The following STPG2 variants were observed in gnomAD, a reference collection of about 807,000 sequenced individuals.
The protein encoded by STPG2 is sperm tail PG-rich repeat containing 2, also known as sperm-tail PG-rich repeat-containing protein 2.
Under a neutral mutation model 54.2 loss-of-function variants are expected in STPG2, and 56 were observed. That is an observed-to-expected ratio of 1.03 (90% CI 0.83 to 1.29). STPG2 has a LOEUF of 1.29. Among genes scored for constraint, STPG2 ranks in the 50% most tolerant of loss-of-function variants. The probability of loss-of-function intolerance (pLI) is 0.00; values close to 1 mark genes in which losing one functional copy is unlikely to be tolerated. For synonymous variants in STPG2, 200 were observed against 181.8 expected, an observed-to-expected ratio of 1.10 and a Z score of -0.81; for missense variants, 596 against 544.9, an observed-to-expected ratio of 1.09 and a Z score of -0.93.
At chr4:97,969,116 T>G (rs1734225603) in intron 7 of STPG2, among the ~76,000 whole-genome samples, 1 of 152,146 alleles carries the variant, frequency 6.6e-6, no homozygotes, top group African/African-American at 2.4e-5. Flanking sequence ...TAAGACATAC[T>G]CCCTTCTGAG....
chr4:97,562,430 T>A (rs1243996097), intron 10 of STPG2, among the ~76,000 whole-genome samples: 1 of 152,214 alleles, frequency 6.6e-6, no homozygotes, highest in Non-Finnish European at 1.5e-5. Flanking sequence ...GAATACCCTT[T>A]ATTTCCTTCT....
chr4:97,926,278 C>T (rs1732327590), intron 8 of STPG2, among the ~76,000 whole-genome samples: 1 of 152,160 alleles, frequency 6.6e-6, no homozygotes, highest in African/African-American at 2.4e-5. Context: ...AAACTCCAGT[C>T]TTACCAGGGT....
chr4:98,025,403 G>T (rs903263721), intron 5 of STPG2: 23 of 377,272 alleles, frequency 6.1e-5, no homozygotes, highest in Non-Finnish European at 2.1e-5. Context: ...TGTTAAAGTT[G>T]TTAAGAATAA....
At chr4:97,924,983 T>C (rs1298985911) in intron 8 of STPG2, among the ~76,000 whole-genome samples, 1 of 152,222 alleles carries the variant, frequency 6.6e-6, no homozygotes, top group East Asian at 1.9e-4. Flanking sequence ...GAATCATTTG[T>C]TGTTGTTCAT....
At chr4:97,834,852 A>G (rs1337295211) in intron 9 of STPG2, among the ~76,000 whole-genome samples, 2 of 151,948 alleles carry the variant, frequency 1.3e-5, no homozygotes, top group Non-Finnish European at 2.9e-5. Flanking sequence ...GCTCCTCTCT[A>G]CCCTGAATGC....
intron 7 of STPG2, among the ~76,000 whole-genome samples, chr4:97,946,844 C>A (rs1560604208): frequency 2.0e-5 from 3 of 151,932 alleles, no homozygotes; most frequent in African/African-American, 7.2e-5. Flanking sequence ...CAGATTTGTT[C>A]TTTTAGCTTT....
chr4:97,743,163 C>G (rs1725319935), intron 9 of STPG2, among the ~76,000 whole-genome samples: 1 of 151,722 alleles, frequency 6.6e-6, no homozygotes, highest in East Asian at 1.9e-4. Context: ...AGGTATACAT[C>G]ACAGAGTGTC....
intron 9 of STPG2, among the ~76,000 whole-genome samples, chr4:97,795,242 C>G (rs525195): frequency 6.6e-6 from 1 of 151,958 alleles, no homozygotes; most frequent in African/African-American, 2.4e-5. Context: ...ACATGTGCAC[C>G]ACGTGCAGGT....
At chr4:97,682,938 A>G (rs1723076965) in intron 10 of STPG2, among the ~76,000 whole-genome samples, 1 of 151,828 alleles carries the variant, frequency 6.6e-6, no homozygotes, top group Non-Finnish European at 1.5e-5. Context: ...ACTGGAGACT[A>G]TATGATTCAC....
chr4:97,688,137 G>T (rs1723255431), intron 10 of STPG2, among the ~76,000 whole-genome samples: 1 of 151,862 alleles, frequency 6.6e-6, no homozygotes, highest in South Asian at 2.1e-4. Context: ...AGTTTAGCTA[G>T]AAAATTAAGA....
intron 9 of STPG2, among the ~76,000 whole-genome samples, chr4:97,792,487 A>G (rs942410357): frequency 2.6e-5 from 4 of 152,104 alleles, no homozygotes; most frequent in Non-Finnish European, 5.9e-5. Flanking sequence ...TGAAGCCACC[A>G]TCATCTCTCA....
chr4:97,468,457 G>A (rs930367037), intron 4 of STPG2, among the ~76,000 whole-genome samples: 2 of 151,842 alleles, frequency 1.3e-5, no homozygotes, highest in African/African-American at 4.8e-5. Context: ...TATAACTGAC[G>A]TCACCTAAAT....
rs1388898365 is a variant in STPG2 at position 97,881,269 on chromosome 4, CT to C, written c.1045-40338del. 3.3e-5 allele frequency among the ~76,000 whole-genome samples: 5 copies of C among 152,162 alleles called. No homozygotes were observed. The East Asian group carries it at 9.7e-4, about 29-fold the overall frequency. Reference sequence around the variant, plus strand: ...ACCCTCTCATTTTTTACAAGAAATCCTTTTCCAATATTTTCCATAAGTCACT... The same window carrying C: ...ACCCTCTCATTTTTTACAAGAAATCCTTTCCAATATTTTCCATAAGTCACT... On this transcript the variant is annotated intron_variant, in intron 8 of 10. Transcript: ENST00000295268.
chr4:97,956,962 T>C (rs1733695458), intron 7 of STPG2, among the ~76,000 whole-genome samples: 3 of 152,050 alleles, frequency 2.0e-5, no homozygotes, highest in Admixed American at 1.3e-4. Flanking sequence ...CAGCAATGGA[T>C]CCAAACCAAG....
chr4:97,636,720 G>A (rs1332564721), intron 10 of STPG2, among the ~76,000 whole-genome samples: 7 of 151,890 alleles, frequency 4.6e-5, no homozygotes, highest in Admixed American at 3.3e-4. Flanking sequence ...ACACCTCTAC[G>A]AAAATAAACT....
At chr4:97,993,083 C>G (rs1247233827) in intron 5 of STPG2, among the ~76,000 whole-genome samples, 1 of 152,100 alleles carries the variant, frequency 6.6e-6, no homozygotes, top group Non-Finnish European at 1.5e-5. Context: ...ATTTCTTTCT[C>G]TTGTCTGATT....
chr4:97,677,522 C>A (rs1307705761), intron 10 of STPG2, among the ~76,000 whole-genome samples: 1 of 152,166 alleles, frequency 6.6e-6, no homozygotes, highest in Non-Finnish European at 1.5e-5. Context: ...TTTTAACTGG[C>A]CCCTTTACAG....
intron 9 of STPG2, among the ~76,000 whole-genome samples, chr4:97,791,566 A>C (rs904028127): frequency 1.3e-5 from 2 of 152,150 alleles, no homozygotes; most frequent in African/African-American, 4.8e-5. Flanking sequence ...TCTCAAGCTG[A>C]TAAGTTTTCC....
intron 3 of STPG2, among the ~76,000 whole-genome samples, chr4:98,112,658 G>A (rs1343541229): frequency 1.3e-5 from 2 of 152,022 alleles, no homozygotes; most frequent in Non-Finnish European, 2.9e-5. Context: ...TTTTTCTAAA[G>A]AGTTATCCTG....
Sources: gnomAD v4.1 joint callset for allele counts (sites outside exome capture counted in the v4.1 genomes callset) on GRCh38, gnomAD v4.1.1 for gene constraint, MANE v1.5 for transcripts, NCBI Gene and HGNC (gene_info 2026-07-23, HGNC 2026-07-21) for gene names.